Variants in ANO2 observed in about 807,000 individuals in gnomAD.
ANO2 encodes anoctamin-2.
ANO2 carries 101 observed loss-of-function variants against 124.2 expected under a neutral mutation model. The ratio of observed to expected loss-of-function variants is 0.81; its 90% confidence interval spans 0.69 to 0.96. The LOEUF (loss-of-function observed/expected upper bound fraction) is 0.96, where lower values mean the gene tolerates loss of function less well. Among genes scored for constraint, ANO2 ranks in the 40% least tolerant of loss-of-function variants. The probability of loss-of-function intolerance (pLI) is 0.00; values close to 1 mark genes in which losing one functional copy is unlikely to be tolerated. For missense variants in ANO2, 1,293 were observed against 1,274.5 expected, an observed-to-expected ratio of 1.01 and a Z score of -0.22; for synonymous variants, 486 against 482.5, an observed-to-expected ratio of 1.01 and a Z score of -0.09.
chr12:5,707,337 T>C (rs1383476688), intron 14 of ANO2, among the ~76,000 whole-genome samples: 2 of 152,206 alleles, frequency 1.3e-5, no homozygotes, highest in Non-Finnish European at 2.9e-5. Context: ...TATAAACTAC[T>C]CAGTTTCGGG....
intron 20 of ANO2, 33 bp downstream of exon 20, chr12:5,599,451 C>T (rs1460589399): frequency 7.0e-6 from 11 of 1,577,482 alleles, no homozygotes; most frequent in Non-Finnish European, 8.6e-6. Context: ...TCTGAACCTG[C>T]CCCCAGTGGA....
chr12:5,823,773 G>A (rs1230439995), intron 7 of ANO2, among the ~76,000 whole-genome samples: 1 of 152,232 alleles, frequency 6.6e-6, no homozygotes, highest in East Asian at 1.9e-4. Context: ...CCTGCACACT[G>A]CCCTAGCAGA....
chr12:5,674,620 C>G (rs989863609), intron 14 of ANO2, among the ~76,000 whole-genome samples: 22 of 152,332 alleles, frequency 1.4e-4, no homozygotes, highest in Admixed American at 9.2e-4. Context: ...GCACAGAATT[C>G]TGCTGGGTCA....
At chr12:5,712,806 T>C (rs1456981435) in intron 14 of ANO2, among the ~76,000 whole-genome samples, 2 of 152,116 alleles carry the variant, frequency 1.3e-5, no homozygotes, top group Non-Finnish European at 2.9e-5. Flanking sequence ...AAGAGGCTTT[T>C]GCATGTGCAC....
At chr12:5,610,983 T>TTTTTTTTTGTTTTTTTTTTTTTTTTTTG (rs1555100751) in intron 19 of ANO2, among the ~76,000 whole-genome samples, 1 of 121,658 alleles carries the variant, frequency 8.2e-6, no homozygotes, top group Non-Finnish European at 1.8e-5. Context: ...TTTTTTTTTT[T>TTTTTTTTTGTTTTTTTTTTTTTTTTTTG]TTTTTTGAGA....
intron 10 of ANO2, among the ~76,000 whole-genome samples, chr12:5,793,901 A>T (rs950275673): frequency 2.0e-5 from 3 of 152,196 alleles, no homozygotes; most frequent in African/African-American, 4.8e-5. Context: ...GAAAGGGTAC[A>T]ACTGGAGGAG....
chr12:5,852,367 C>T (rs1053280717), intron 4 of ANO2, among the ~76,000 whole-genome samples: 4 of 152,092 alleles, frequency 2.6e-5, no homozygotes, highest in Admixed American at 2.6e-4. Flanking sequence ...AGGCATGTGA[C>T]CCCCCTCCCC....
chr12:5,918,437 TC>T (rs145934389), intron 3 of ANO2, among the ~76,000 whole-genome samples: 3 of 129,546 alleles, frequency 2.3e-5, no homozygotes, highest in African/African-American at 9.1e-5. Flanking sequence ...TTAACTTGAA[TC>T]TTTTTTTTTT....
At position 5,913,809 on chromosome 12, in the gene ANO2, G is replaced by A. The variant is rs972184106; in HGVS notation, c.534+7231C>T. On this transcript the variant is annotated intron_variant, in intron 3 of 24. Coordinates refer to ENST00000682330, the MANE Select transcript of ANO2 (RefSeq NM_001364791.2). Reference sequence around the variant, plus strand: ...TCACAAAAGGCACTCAGAAAAGTCCGTTTTCTTCCTTAAAACCATAGATTA... The same window carrying A: ...TCACAAAAGGCACTCAGAAAAGTCCATTTTCTTCCTTAAAACCATAGATTA... Among the ~76,000 whole-genome samples, 5 of 152,318 alleles carry A rather than the reference G, an allele frequency of 3.3e-5. No individual in the cohort carries two copies. The East Asian group carries it at 5.8e-4, about 18-fold the overall frequency.
Position 5,936,298 on chromosome 12 carries a change from T to G in ANO2, c.22+8898A>C, listed in dbSNP as rs904270299. On this transcript the variant is annotated intron_variant, in intron 1 of 24. Transcript: ENST00000682330. ...CATTTTGTCTATTTTTTATCTGATG[T>G]GTCACGGTTTGACTATCGGTGTCTC... Among the ~76,000 whole-genome samples, 6 of 152,222 alleles carry G rather than the reference T, an allele frequency of 3.9e-5. No individual in the cohort carries two copies. The South Asian group carries it at 1.2e-3, about 32-fold the overall frequency.
intron 1 of ANO2, among the ~76,000 whole-genome samples, chr12:5,939,233 A>AC (rs1228809261): frequency 4.6e-5 from 7 of 151,402 alleles, no homozygotes; most frequent in African/African-American, 7.3e-5. Context: ...AAAAAAAAAA[A>AC]AACTTTGTGT....
chr12:5,943,467 A>C (rs369680163), intron 1 of ANO2, among the ~76,000 whole-genome samples: 2 of 152,198 alleles, frequency 1.3e-5, no homozygotes, highest in African/African-American at 4.8e-5. Context: ...ATGAGGATGC[A>C]AAGACATAAG....
In ANO2 at chr12:5,615,264, C is replaced by A; in HGVS notation, c.1850G>T (p.Arg617Leu). 6.2e-7 allele frequency: 1 copy of A among 1,613,520 alleles called. No individual in the cohort carries two copies. Among genetic ancestry groups the A allele is most frequent in the Non-Finnish European group, 8.5e-7 (1 of 1,179,708 alleles). Reference protein sequence around the residue: ...VPKTEQTFEERLILKAFLLKF... With the variant: ...VPKTEQTFEELLILKAFLLKF... ...GAGCAAGAAAGCTTTGAGGATCAGG[C>A]GCTCTTCAAAAGTCTGTTCTGTTTT... is the stretch of plus-strand genomic sequence containing the variant. Residue 617 changes from arginine (R) to leucine (L), a missense_variant, in exon 17 of 25, where the codon CGC becomes CTC. Coordinates refer to ENST00000682330, the MANE Select transcript of ANO2 (RefSeq NM_001364791.2).
intron 14 of ANO2, among the ~76,000 whole-genome samples, chr12:5,650,135 A>T (rs746635793): frequency 6.6e-6 from 1 of 152,136 alleles, no homozygotes; most frequent in Non-Finnish European, 1.5e-5. Context: ...GAACAGTGCC[A>T]ATGGGCCAGG....
chr12:5,686,819 T>C (rs1469364561), intron 14 of ANO2, among the ~76,000 whole-genome samples: 1 of 152,232 alleles, frequency 6.6e-6, no homozygotes, highest in African/African-American at 2.4e-5. Context: ...CCTTAGTTCC[T>C]TCCTCACACA....
At chr12:5,799,625 T>C (rs1591632017) in intron 9 of ANO2, 54 bp from the exon 10 acceptor site, 3 of 1,529,906 alleles carry the variant, frequency 2.0e-6, no homozygotes, top group Non-Finnish European at 2.7e-6. Flanking sequence ...AAACTTCACC[T>C]GATTTTGTCC....
chr12:5,927,336 G>A (rs531433160), intron 1 of ANO2, among the ~76,000 whole-genome samples: 6 of 152,280 alleles, frequency 3.9e-5, no homozygotes, highest in African/African-American at 1.2e-4. Flanking sequence ...CTCACCACTC[G>A]CAGGACTGCA....
intron 14 of ANO2, among the ~76,000 whole-genome samples, chr12:5,707,883 A>G (rs945353001): frequency 1.3e-5 from 2 of 152,194 alleles, no homozygotes; most frequent in Non-Finnish European, 2.9e-5. Flanking sequence ...AGACATCCCA[A>G]TATTGTCCAC....
intron 1 of ANO2, among the ~76,000 whole-genome samples, chr12:5,923,795 G>C (rs1288489860): frequency 6.6e-6 from 1 of 152,176 alleles, no homozygotes; most frequent in Non-Finnish European, 1.5e-5. Flanking sequence ...GAGTTGCCAA[G>C]GTCTCAGCGC....
Sources: gnomAD v4.1 joint callset for allele counts (sites outside exome capture counted in the v4.1 genomes callset) on GRCh38, gnomAD v4.1.1 for gene constraint, MANE v1.5 for transcripts, NCBI Gene and HGNC (gene_info 2026-07-23, HGNC 2026-07-21) for gene names.